GTF3C1: variants seen among roughly 807,000 people sequenced by gnomAD.
GTF3C1 encodes general transcription factor 3C polypeptide 1.
A neutral mutation model predicts 226.7 loss-of-function variants in GTF3C1; 57 were observed. The observed-to-expected ratio is 0.25, with a 90% CI of 0.20 to 0.31. The LOEUF (loss-of-function observed/expected upper bound fraction) is 0.31. Among genes scored for constraint, GTF3C1 ranks in the 10% least tolerant of loss-of-function variants. The pLI is 1.00. For missense variants in GTF3C1, 2,217 were observed against 2,776.1 expected (o/e 0.80, Z 4.53); for synonymous variants, 1,090 against 1,084.8 (o/e 1.00, Z -0.09).
At chr16:27,512,465 G>C (rs1179719423) in intron 6 of GTF3C1, among the ~76,000 whole-genome samples, 1 of 152,082 alleles carries the variant, frequency 6.6e-6, no homozygotes, top group African/African-American at 2.4e-5. Flanking sequence ...AACTCAAAAA[G>C]AGGCAAAGCC....
chr16:27,537,710 C>T, intron 4 of GTF3C1, 74 bp downstream of exon 4: 1 of 1,048,846 alleles, frequency 9.5e-7, no homozygotes, highest in South Asian at 1.5e-5. Context: ...ACCCAGCTGC[C>T]CCTACAATTT....
intron 1 of GTF3C1, among the ~76,000 whole-genome samples, chr16:27,548,260 C>T (rs2089195048): frequency 6.6e-6 from 1 of 151,878 alleles, no homozygotes; most frequent in Non-Finnish European, 1.5e-5. Context: ...TAAGTTTTGT[C>T]TCGAACATTA....
At chr16:27,508,724 C>T in intron 7 of GTF3C1, 69 bp from the exon 8 acceptor site, 1 of 1,109,194 alleles carries the variant, frequency 9.0e-7, no homozygotes, top group Non-Finnish European at 1.3e-6. Flanking sequence ...CAGTTTCCAG[C>T]CCACTTTTTC....
At chr16:27,510,666 G>A (rs77946844) in intron 7 of GTF3C1, among the ~76,000 whole-genome samples, 7 of 152,292 alleles carry the variant, frequency 4.6e-5, no homozygotes, top group African/African-American at 1.4e-4. Context: ...AGGTTGGGCC[G>A]ACCCAACAGC....
chr16:27,513,576 G>A (rs1015161668), intron 6 of GTF3C1, among the ~76,000 whole-genome samples: 1 of 152,102 alleles, frequency 6.6e-6, no homozygotes, highest in Non-Finnish European at 1.5e-5. Flanking sequence ...CACAACCCAG[G>A]GAATGCAGGT....
intron 9 of GTF3C1, among the ~76,000 whole-genome samples, chr16:27,506,597 T>C (rs2088488490): frequency 1.3e-5 from 2 of 152,146 alleles, no homozygotes. Flanking sequence ...CTTATGAAAT[T>C]CCATCCTTTA....
rs2141336821 is a variant in GTF3C1 at position 27,462,853 on chromosome 16, C to A, written c.5925-367G>T. The A allele has an allele frequency of 3.9e-6, 1 of 259,518 alleles. No individual in the cohort carries two copies. The allele number at this position is 259,518 out of a possible 1,614,324, so 16.1% of individuals were successfully genotyped here. A position where few individuals can be genotyped will look rare whatever the true frequency, so the allele number is the denominator to read the frequency against. On this transcript the variant is annotated intron_variant, in intron 35 of 36. Transcript: ENST00000356183. The surrounding 1 kb of genome is among the most constrained non-coding windows in gnomAD (Gnocchi z 4.5). Reference sequence around the variant, plus strand: ...TGGCAAAACTCACGGGAGCGTGACCCTGAAGCTCTGCTCCACGCCATGTGC... The same window carrying A: ...TGGCAAAACTCACGGGAGCGTGACCATGAAGCTCTGCTCCACGCCATGTGC...
At chr16:27,493,447 C>G in intron 16 of GTF3C1, 151 bp from the exon 17 acceptor site, 1 of 627,348 alleles carries the variant, frequency 1.6e-6, no homozygotes, top group Non-Finnish European at 2.9e-6. Flanking sequence ...GCCCCTGCAT[C>G]TCTGCCTTTG....
intron 7 of GTF3C1, among the ~76,000 whole-genome samples, chr16:27,510,055 C>T (rs369830608): frequency 3.3e-5 from 5 of 152,186 alleles, no homozygotes; most frequent in South Asian, 2.1e-4. Context: ...TCGAGACCCA[C>T]CTGACCAGCA....
rs759822310 is a variant in GTF3C1, at chr16:27,481,083, C to A, written c.4192G>T (p.Ala1398Ser). The A allele has an allele frequency of 6.2e-6, 10 of 1,613,712 alleles. No individual in the cohort carries two copies. The highest frequency in any genetic ancestry group is 8.5e-6 in the Non-Finnish European group (10 of 1,179,580). ...ACCATCCCAGAAACGGCTTACCTGG[C>A]GAACAGCTCCTGGAGTGTGTCTGGG... ...EIPDTLQELF[A>S]RYRVLAIGDE... Residue 1398 changes from alanine (A) to serine (S), a missense_variant, in exon 27 of 37, where the codon GCC becomes TCC. By Grantham distance (99) the Ala-to-Ser change is moderately conservative. Transcript: ENST00000356183.
At chr16:27,511,675 G>C in intron 7 of GTF3C1, 74 bp downstream of exon 7, 2 of 1,493,130 alleles carry the variant, frequency 1.3e-6, no homozygotes, top group Non-Finnish European at 1.9e-6. Context: ...GCTCTCTCTC[G>C]ACATGTGGGC....
chr16:27,518,311 T>C (rs1359975116), intron 6 of GTF3C1, among the ~76,000 whole-genome samples: 1 of 152,196 alleles, frequency 6.6e-6, no homozygotes, highest in Non-Finnish European at 1.5e-5. Flanking sequence ...ACAGGTTATA[T>C]TATGGGCTCT....
At chr16:27,499,235 G>A (rs2088368600) in intron 12 of GTF3C1, among the ~76,000 whole-genome samples, 2 of 152,266 alleles carry the variant, frequency 1.3e-5, no homozygotes, top group African/African-American at 4.8e-5. Context: ...AGGATTTAGA[G>A]CTGCTTTTGT....
rs202207557 is a variant in GTF3C1, at chr16:27,494,883, C to T, written c.2658G>A (p.Met886Ile). The change falls in exon 16 of 37, where the codon ATG becomes ATA. Residue 886 changes from methionine (M) to isoleucine (I), a missense_variant. Met to Ile is a conservative substitution (Grantham distance 10). This residue lies in a region of GTF3C1 where 353 missense variants were observed against 411.7 expected (regional missense o/e 0.86). Coordinates refer to ENST00000356183, the MANE Select transcript of GTF3C1 (RefSeq NM_001520.4). Reference sequence around the variant, plus strand: ...GGACTGGGATTGGGGGGATGTAGCGCATCCACGAGGCATCGTCGACATACA... The same window carrying T: ...GGACTGGGATTGGGGGGATGTAGCGTATCCACGAGGCATCGTCGACATACA... ...ETVYVDDASW[M>I]RYIPPIPVHR... The T allele has an allele frequency of 8.0e-5, 129 of 1,613,812 alleles. No individual in the cohort carries two copies. The highest frequency in any genetic ancestry group is 6.6e-4 in the Middle Eastern group (4 of 6,062).
At chr16:27,546,485 T>TTTTTTA (rs1555505898) in intron 1 of GTF3C1, among the ~76,000 whole-genome samples, 1 of 88,610 alleles carries the variant, frequency 1.1e-5, no homozygotes. Context: ...TTTTTTTTTT[T>TTTTTTA]GAAAAAAAAA....
At position 27,492,732 on chromosome 16, in the gene GTF3C1, G is replaced by A. The variant is rs767041247; in HGVS notation, c.2877-19C>T. 4 of 1,391,040 alleles carry A rather than the reference G, an allele frequency of 2.9e-6. No individual in the cohort carries two copies. The highest frequency in any genetic ancestry group is 2.8e-5 in the African/African-American group (2 of 70,662). 86.2% of individuals were successfully genotyped at this position (1,391,040 alleles called of 1,614,324 possible). A position where few individuals can be genotyped will look rare whatever the true frequency, so the allele number is the denominator to read the frequency against. ...GTAACGCCTAGAAAACAGAGGGGGC[G>A]GGAGGTTCTCATCACACCACACTCG... On this transcript the variant is annotated intron_variant, in intron 17 of 36. Transcript: ENST00000356183. The surrounding 1 kb of genome is among the most constrained non-coding windows in gnomAD (Gnocchi z 5.0).
intron 1 of GTF3C1, among the ~76,000 whole-genome samples, chr16:27,546,507 C>T (rs897249815): frequency 7.6e-6 from 1 of 132,198 alleles, no homozygotes; most frequent in African/African-American, 2.8e-5. Context: ...AAAATACATA[C>T]ATATATATAT....
intron 6 of GTF3C1, among the ~76,000 whole-genome samples, chr16:27,515,119 C>CA (rs1220795823): frequency 1.3e-5 from 2 of 151,924 alleles, no homozygotes; most frequent in Admixed American, 1.3e-4. Context: ...ACTCAGTGGG[C>CA]AAAAAAGAGA....
In GTF3C1 at chr16:27,471,888, G is replaced by A. The variant is rs771717375; in HGVS notation, c.4386C>T (p.His1462=). The part of the protein sequence containing the change: ...TFRLYREYKD[H]VLVKAFMECQ... ...ACTCCATGAAGGCCTTCACAAGAACGTGGTCCTTGTACTCCCGATAGAGGC... is the reference window on the plus strand; with the variant it reads ...ACTCCATGAAGGCCTTCACAAGAACATGGTCCTTGTACTCCCGATAGAGGC... The change falls in exon 30 of 37, where the codon CAC becomes CAT. Residue 1462 remains histidine (H), a synonymous_variant. Coordinates refer to ENST00000356183, the MANE Select transcript of GTF3C1 (RefSeq NM_001520.4). This position sits in a 1 kb window ranked among gnomAD's most constrained non-coding sequence, Gnocchi z 5.0. 114 of 1,613,944 alleles carry A rather than the reference G, an allele frequency of 7.1e-5. No individual in the cohort carries two copies. Among genetic ancestry groups the A allele is most frequent in the Non-Finnish European group, 8.8e-5 (104 of 1,179,958 alleles).
Sources: gnomAD v4.1 joint callset for allele counts (sites outside exome capture counted in the v4.1 genomes callset) on GRCh38, gnomAD v4.1.1 for gene constraint, gnomAD v4.1.1 regional missense constraint, Gnocchi (gnomAD v3.1) non-coding constraint, MANE v1.5 for transcripts, NCBI Gene and HGNC (gene_info 2026-07-23, HGNC 2026-07-21) for gene names.